Variants in CSMD1 observed in about 807,000 individuals in gnomAD.
CSMD1 encodes the protein CUB and Sushi multiple domains 1.
Under a neutral mutation model 417.5 loss-of-function variants are expected in CSMD1, and 213 were observed. The ratio of observed to expected loss-of-function variants is 0.51; its 90% CI spans 0.46 to 0.57. The LOEUF (loss-of-function observed/expected upper bound fraction) is 0.57. CSMD1 is among the 20% of genes least tolerant of loss of function. CSMD1 has a pLI of 0.00. For missense variants in CSMD1, 6,923 were observed against 4,529.7 expected (o/e 1.53, Z -15.17); for synonymous variants, 2,862 against 1,736.8 (o/e 1.65, Z -16.11).
intron 1 of CSMD1, among the ~76,000 whole-genome samples, chr8:4,929,221 C>G (rs1439828766): frequency 6.6e-6 from 1 of 152,152 alleles, no homozygotes; most frequent in African/African-American, 2.4e-5. Context: ...GAGAAGGCAG[C>G]TGTCTGAAAG....
At chr8:4,661,164 G>T (rs921390643) in intron 1 of CSMD1, among the ~76,000 whole-genome samples, 1 of 152,050 alleles carries the variant, frequency 6.6e-6, no homozygotes, top group Admixed American at 6.6e-5. Flanking sequence ...ACCTGCACAT[G>T]AAATTTTATA....
intron 10 of CSMD1, among the ~76,000 whole-genome samples, chr8:3,530,433 T>A (rs752291299): frequency 2.0e-5 from 3 of 152,090 alleles, no homozygotes; most frequent in Non-Finnish European, 4.4e-5. Flanking sequence ...TTTAGGTGTG[T>A]TGTTTAACTT....
At chr8:4,019,437 G>T (rs1174919127) in intron 4 of CSMD1, among the ~76,000 whole-genome samples, 1 of 87,564 alleles carries the variant, frequency 1.1e-5, no homozygotes, top group Non-Finnish European at 2.3e-5. Flanking sequence ...TACCTAAAAG[G>T]AAGGGAACAT....
At chr8:4,100,663 G>C (rs921705596) in intron 3 of CSMD1, among the ~76,000 whole-genome samples, 3 of 151,988 alleles carry the variant, frequency 2.0e-5, no homozygotes, top group African/African-American at 7.2e-5. Context: ...GATGGAAAAA[G>C]GGTGCTGAAA....
At chr8:3,231,108 C>T (rs967705791) in intron 26 of CSMD1, among the ~76,000 whole-genome samples, 6 of 152,172 alleles carry the variant, frequency 3.9e-5, no homozygotes, top group East Asian at 1.9e-4. Flanking sequence ...GAGTATCCCC[C>T]ATCACTCTAA....
At chr8:3,332,264 T>C (rs1806952919) in intron 23 of CSMD1, among the ~76,000 whole-genome samples, 1 of 152,250 alleles carries the variant, frequency 6.6e-6, no homozygotes. Flanking sequence ...TGATGACAAT[T>C]GTATCCTGCC....
chr8:4,690,376 T>A (rs774528168), intron 1 of CSMD1, among the ~76,000 whole-genome samples: 1 of 152,108 alleles, frequency 6.6e-6, no homozygotes, highest in Non-Finnish European at 1.5e-5. Context: ...AATGAGTAAA[T>A]GGGGGAATGT....
At chr8:3,783,792 T>C (rs1394469385) in intron 5 of CSMD1, among the ~76,000 whole-genome samples, 8 of 152,320 alleles carry the variant, frequency 5.3e-5, no homozygotes, top group African/African-American at 1.9e-4. Flanking sequence ...TAGGAGACAC[T>C]GAGGCTTCCA....
At chr8:3,525,733 C>A (rs116260293) in intron 10 of CSMD1, among the ~76,000 whole-genome samples, 1 of 152,132 alleles carries the variant, frequency 6.6e-6, no homozygotes, top group African/African-American at 2.4e-5. Flanking sequence ...CTAGTTGTCG[C>A]AATGTACTTT....
chr8:3,436,559 T>C (rs1814579386), intron 12 of CSMD1, among the ~76,000 whole-genome samples: 1 of 152,224 alleles, frequency 6.6e-6, no homozygotes. Context: ...TTCATTTTCT[T>C]TTCTACCTTC....
intron 6 of CSMD1, among the ~76,000 whole-genome samples, chr8:3,721,406 A>C (rs1045881196): frequency 6.6e-6 from 1 of 152,160 alleles, no homozygotes; most frequent in Non-Finnish European, 1.5e-5. Flanking sequence ...GATCAGTCCC[A>C]TGTTTCTGAT....
At chr8:4,546,494 A>G (rs1490844214) in intron 2 of CSMD1, among the ~76,000 whole-genome samples, 1 of 152,198 alleles carries the variant, frequency 6.6e-6, no homozygotes, top group East Asian at 1.9e-4. Flanking sequence ...CAAAGAACAA[A>G]AGATAAACGG....
intron 3 of CSMD1, among the ~76,000 whole-genome samples, chr8:4,040,718 A>G (rs1342339040): frequency 6.6e-6 from 1 of 152,182 alleles, no homozygotes; most frequent in Non-Finnish European, 1.5e-5. Context: ...AAAACACTGC[A>G]GGAGAGACTG....
At chr8:3,003,380 A>T (rs1807991134) in intron 52 of CSMD1, among the ~76,000 whole-genome samples, 1 of 152,004 alleles carries the variant, frequency 6.6e-6, no homozygotes, top group Non-Finnish European at 1.5e-5. Context: ...ATCTACACAA[A>T]ACCTAGAAAG....
intron 3 of CSMD1, among the ~76,000 whole-genome samples, chr8:4,232,427 G>T (rs1247905144): frequency 6.6e-6 from 1 of 152,130 alleles, no homozygotes; most frequent in Non-Finnish European, 1.5e-5. Context: ...TTGAACTCCT[G>T]ACCTCAGGTG....
intron 1 of CSMD1, among the ~76,000 whole-genome samples, chr8:4,946,794 A>C (rs954166745): frequency 1.3e-5 from 2 of 152,204 alleles, no homozygotes; most frequent in African/African-American, 4.8e-5. Context: ...CAGGGAAATA[A>C]ATTAGACTGT....
intron 12 of CSMD1, among the ~76,000 whole-genome samples, chr8:3,421,106 T>G (rs1813461315): frequency 6.6e-6 from 1 of 152,252 alleles, no homozygotes; most frequent in Non-Finnish European, 1.5e-5. Flanking sequence ...ATGCTCATTT[T>G]CAGTATGAAA....
intron 41 of CSMD1, among the ~76,000 whole-genome samples, chr8:3,123,887 T>G (rs1431647429): frequency 1.3e-5 from 2 of 152,216 alleles, no homozygotes; most frequent in African/African-American, 4.8e-5. Flanking sequence ...TGCCTTAGTT[T>G]GGCTGTGTAG....
intron 4 of CSMD1, among the ~76,000 whole-genome samples, chr8:4,031,528 G>T (rs1018423565): frequency 1.3e-5 from 2 of 152,166 alleles, no homozygotes; most frequent in African/African-American, 4.8e-5. Context: ...CAACATGTGG[G>T]AATTGTGGGA....
Sources: allele counts gnomAD v4.1 joint callset (sites outside exome capture counted in the v4.1 genomes callset), GRCh38; gene constraint gnomAD v4.1.1; transcripts MANE v1.5; gene names NCBI Gene and HGNC (gene_info 2026-07-23, HGNC 2026-07-21).